FANCD2: variants seen among roughly 807,000 people sequenced by gnomAD.
FANCD2 encodes Fanconi anemia group D2 protein.
A neutral mutation model predicts 192.3 loss-of-function variants in FANCD2; 131 were observed. The ratio of observed to expected loss-of-function variants is 0.68; its 90% confidence interval spans 0.59 to 0.79. The LOEUF (loss-of-function observed/expected upper bound fraction) is 0.79. FANCD2 is among the 30% of genes least tolerant of loss of function. FANCD2 has a pLI of 0.00. For synonymous variants in FANCD2, 524 were observed against 612.5 expected (o/e 0.86, Z 2.13); for missense variants, 1,508 against 1,701.6 (o/e 0.89, Z 2.00).
intron 29 of FANCD2, among the ~76,000 whole-genome samples, chr3:10,075,011 A>G (rs1693457695): frequency 6.6e-6 from 1 of 152,074 alleles, no homozygotes; most frequent in Admixed American, 6.6e-5. Context: ...TCACTTTTTC[A>G]CAACATTTGT....
chr3:10,046,237 T>C (rs1042538516), intron 14 of FANCD2, among the ~76,000 whole-genome samples: 2 of 152,022 alleles, frequency 1.3e-5, no homozygotes, highest in Admixed American at 6.5e-5. Flanking sequence ...GTATTTTTAG[T>C]AGAGACGGGG....
Position 10,063,939 on chromosome 3 carries a change from A to G in FANCD2, c.1947+28A>G, listed in dbSNP as rs1488652402. On this transcript the variant is annotated intron_variant, in intron 21 of 43. Coordinates refer to ENST00000675286, the MANE Select transcript of FANCD2 (RefSeq NM_001018115.3). ...AAAGCCAATTGTCTTTTCTTAAAGC[A>G]ATAAAGCATGAGAGCTGCTTTACTA... The G allele has an allele frequency of 1.9e-6, 3 of 1,614,206 alleles. No individual in the cohort carries two copies. In the South Asian group the frequency reaches 3.3e-5, roughly 18 times the overall value.
At chr3:10,040,036 T>TC (rs2086827353) in intron 9 of FANCD2, 191 bp downstream of exon 9, 5 of 333,662 alleles carry the variant, frequency 1.5e-5, no homozygotes, top group Non-Finnish European at 2.5e-5. Context: ...ATACTTTCTT[T>TC]TTTTTTTTTT....
At chr3:10,038,009 G>T (rs1449516856) in intron 7 of FANCD2, among the ~76,000 whole-genome samples, 1 of 152,096 alleles carries the variant, frequency 6.6e-6, no homozygotes, top group African/African-American at 2.4e-5. Context: ...TACTTATTTT[G>T]AGACGGAATC....
At chr3:10,095,406 A>G in intron 41 of FANCD2, 132 bp downstream of exon 41, 1 of 765,100 alleles carries the variant, frequency 1.3e-6, no homozygotes, top group Non-Finnish European at 2.3e-6. Flanking sequence ...CAGTTTATTC[A>G]GAGCAAATCC....
At position 10,043,120 on chromosome 3, in the gene FANCD2, A is replaced by G; in HGVS notation, c.959A>G (p.Gln320Arg). The change falls in exon 12 of 44, where the codon CAA becomes CGA. Residue 320 changes from glutamine to arginine, a missense_variant. Physicochemically the swap from Gln to Arg is conservative, Grantham distance 43. Coordinates refer to ENST00000675286, the MANE Select transcript of FANCD2 (RefSeq NM_001018115.3). ...CVLPSRLQAS[Q>R]VKLKSKGRAS... ...TTGCCATCACGGTTACAGGCTTCCCAAGTAAAGTTGAAAAGTAAAGGACGA... is the reference window on the plus strand; with the variant it reads ...TTGCCATCACGGTTACAGGCTTCCCGAGTAAAGTTGAAAAGTAAAGGACGA... The G allele has an allele frequency of 6.2e-7, 1 of 1,614,150 alleles. No homozygotes were observed. The highest frequency in any genetic ancestry group is 1.1e-5 in the South Asian group (1 of 91,080).
intron 37 of FANCD2, 25 bp downstream of exon 37, chr3:10,090,410 A>T: frequency 7.1e-7 from 1 of 1,407,936 alleles, no homozygotes. Flanking sequence ...AGTCACTTCA[A>T]GAAGTGGACT....
chr3:10,094,218 G>C (rs1694818288), intron 39 of FANCD2, 71 bp from the exon 40 acceptor site: 16 of 1,121,250 alleles, frequency 1.4e-5, no homozygotes, highest in Non-Finnish European at 5.5e-6. Context: ...GGCTGGATGA[G>C]ACTATTCTGC....
chr3:10,039,438 A>G, intron 8 of FANCD2, 81 bp downstream of exon 8: 1 of 1,259,152 alleles, frequency 7.9e-7, no homozygotes, highest in East Asian at 2.4e-5. Flanking sequence ...TTTTCTTTCT[A>G]AACAGAAAAT....
intron 17 of FANCD2, among the ~76,000 whole-genome samples, chr3:10,051,398 AAAAAAAAAACAAAAAG>A (rs1387303608): frequency 0.45 from 16,383 of 36,626 alleles, 3,178 homozygotes; most frequent in African/African-American, 0.64. Flanking sequence ...AAAAAAAAAA[AAAAAAAAAACAAAAAG>A]GAGTGAGGGA....
chr3:10,072,858 CTGTT>C lies in FANCD2; in HGVS notation c.2495-7_2495-4del. The stretch of plus-strand genomic sequence containing the variant: ...TTGGTACACATTGAGCTTCAGCCTG[CTGTT>C]TGTTTCAGTCACCCCAGACTATGTC... On this transcript the variant is annotated splice_polypyrimidine_tract_variant and intron_variant, in intron 26 of 43. Transcript: ENST00000675286. 1.4e-6 allele frequency: 2 copies of C among 1,411,412 alleles called. No homozygotes were observed. The highest frequency in any genetic ancestry group is 2.0e-6 in the Non-Finnish European group (2 of 996,802). The allele number at this position is 1,411,412 out of a possible 1,614,324, so 87.4% of individuals were successfully genotyped here. A position where few individuals can be genotyped will look rare whatever the true frequency, so the allele number is the denominator to read the frequency against.
At chr3:10,096,793 A>G (rs1694993415) in intron 42 of FANCD2, among the ~76,000 whole-genome samples, 1 of 152,172 alleles carries the variant, frequency 6.6e-6, no homozygotes, top group Non-Finnish European at 1.5e-5. Flanking sequence ...GTAGATTCAT[A>G]ATAACATTTT....
At chr3:10,041,157 G>A in intron 9 of FANCD2, 1 of 195,986 alleles carries the variant, frequency 5.1e-6, no homozygotes, top group Non-Finnish European at 1.0e-5. Flanking sequence ...TGACACCACT[G>A]TAACTGTACT....
chr3:10,076,628 G>A (rs1376296859), intron 29 of FANCD2, among the ~76,000 whole-genome samples: 1 of 151,992 alleles, frequency 6.6e-6, no homozygotes, highest in Admixed American at 6.6e-5. Context: ...CTGCAACCTT[G>A]AACTCCTGGG....
At chr3:10,067,791 C>A (rs1284339593) in intron 26 of FANCD2, among the ~76,000 whole-genome samples, 1 of 152,034 alleles carries the variant, frequency 6.6e-6, no homozygotes, top group Non-Finnish European at 1.5e-5. Context: ...GAGCGAGACT[C>A]CCATCTCAAA....
Position 10,036,310 on chromosome 3 carries a change from T to G in FANCD2, c.462T>G (p.Phe154Leu). ...AGCCTGCCATTATCAAAACCTTATT[T>G]GAGAAGTTGCCAGAATATTTTTTTG... is the stretch of plus-strand genomic sequence containing the variant. ...ILQPAIIKTL[F>L]EKLPEYFFEN... The change falls in exon 7 of 44, where the codon TTT (phenylalanine) becomes TTG (leucine). Residue 154 changes from phenylalanine (F) to leucine (L), a missense_variant. Transcript: ENST00000675286. 1.2e-6 allele frequency: 2 copies of G among 1,613,076 alleles called. No homozygotes were observed. Among genetic ancestry groups the G allele is most frequent in the South Asian group, 1.1e-5 (1 of 91,058 alleles).
chr3:10,046,527 A>ATT, intron 14 of FANCD2, 53 bp from the exon 15 acceptor site: 3 of 1,609,564 alleles, frequency 1.9e-6, no homozygotes, highest in Non-Finnish European at 2.5e-6. Flanking sequence ...CATTGTAGCA[A>ATT]ATGTACTGAT....
chr3:10,097,341 T>C (rs1003324221), intron 42 of FANCD2, among the ~76,000 whole-genome samples: 1 of 152,180 alleles, frequency 6.6e-6, no homozygotes, highest in Non-Finnish European at 1.5e-5. Flanking sequence ...GGGAGCGCTA[T>C]AGGAGACTGG....
intron 14 of FANCD2, among the ~76,000 whole-genome samples, chr3:10,044,395 C>T (rs1287440196): frequency 2.0e-5 from 3 of 151,508 alleles, no homozygotes; most frequent in Non-Finnish European, 2.9e-5. Context: ...TGGCCGGGCG[C>T]GGTAGCTCAC....
Sources: gnomAD v4.1 joint callset for allele counts (sites outside exome capture counted in the v4.1 genomes callset) on GRCh38, gnomAD v4.1.1 for gene constraint, MANE v1.5 for transcripts, NCBI Gene and HGNC (gene_info 2026-07-23, HGNC 2026-07-21) for gene names.